ZNF674: variants seen among roughly 807,000 people sequenced by gnomAD.
ZNF674 encodes the protein zinc finger protein 674.
ZNF674 carries 2 observed loss-of-function variants against 7.0 expected under a neutral mutation model. That is an observed-to-expected ratio of 0.29 (90% CI 0.12 to 0.90). ZNF674 has a LOEUF of 0.90. ZNF674 is among the 40% of genes least tolerant of loss of function. The probability of loss-of-function intolerance (pLI) is 0.57; values close to 1 mark genes in which losing one functional copy is unlikely to be tolerated. For synonymous variants in ZNF674, 103 were observed against 145.2 expected (o/e 0.71, Z 2.09); for missense variants, 297 against 415.5 (o/e 0.71, Z 2.48).
At chrX:46,512,898 G>A (rs1444059024) in intron 5 of ZNF674, among the ~76,000 whole-genome samples, 1 of 111,603 alleles carries the variant, frequency 9.0e-6, no homozygotes, top group Non-Finnish European at 1.9e-5. Context: ...ACACAAAATT[G>A]AAATCTAGAA....
intron 3 of ZNF674, among the ~76,000 whole-genome samples, chrX:46,540,067 AC>A (rs1170912251): frequency 9.0e-6 from 1 of 110,535 alleles, no homozygotes; most frequent in African/African-American, 3.3e-5. Flanking sequence ...ACATGGTGAA[AC>A]CCCGTCTCTA....
intron 3 of ZNF674, among the ~76,000 whole-genome samples, chrX:46,533,033 TAGG>T (rs74894215): frequency 0.15 from 16,973 of 110,865 alleles, 1,127 homozygotes; most frequent in East Asian, 0.41. Flanking sequence ...GCCACAAGGT[TAGG>T]AGGATATGAG....
At chrX:46,525,529 C>T (rs886457706) in intron 5 of ZNF674, 4 of 112,695 alleles carry the variant, frequency 3.5e-5, no homozygotes, top group Non-Finnish European at 5.4e-5. Flanking sequence ...GCAGAAGAAT[C>T]GCTTGAACCC....
chrX:46,528,260 G>A, intron 5 of ZNF674, 90 bp downstream of exon 5: 1 of 918,100 alleles, frequency 1.1e-6, no homozygotes, highest in Non-Finnish European at 1.6e-6. Flanking sequence ...GAGGCTCTGA[G>A]AAGAGCTCCT....
At chrX:46,525,446 T>TA in intron 5 of ZNF674, 2 of 53,322 alleles carry the variant, frequency 3.8e-5, no homozygotes, top group South Asian at 6.9e-4. Flanking sequence ...CTACTAAAAA[T>TA]ACAAAAAAAA....
At chrX:46,541,556 TA>T (rs895848909) in intron 3 of ZNF674, among the ~76,000 whole-genome samples, 9 of 110,577 alleles carry the variant, frequency 8.1e-5, no homozygotes, top group East Asian at 5.6e-4. Flanking sequence ...TGTAAAAGCA[TA>T]AAAAAAATAT....
chrX:46,529,820 T>G (rs774838622), intron 3 of ZNF674, among the ~76,000 whole-genome samples: 83 of 111,578 alleles, frequency 7.4e-4, no homozygotes, highest in African/African-American at 2.2e-3. Context: ...GGGTCCGGGT[T>G]GTCCACAAAG....
In ZNF674 at chrX:46,506,419, A is replaced by G. The variant is rs867991647; in HGVS notation, c.239-5084T>C. ...TAGCATCTTGGCTTTGCATGGGAAA[A>G]AAAAAAAAAAAACTATCCCTGTGGG... On this transcript the variant is annotated intron_variant, in intron 5 of 5. Coordinates refer to ENST00000683375, the MANE Select transcript of ZNF674 (RefSeq NM_001190417.2). Among the ~76,000 whole-genome samples the G allele has an allele frequency of 2.4e-3, 268 of 110,188 alleles. 4 individuals carry two copies. The highest frequency in any genetic ancestry group is 8.5e-3 in the African/African-American group (257 of 30,247).
intron 5 of ZNF674, among the ~76,000 whole-genome samples, chrX:46,510,802 AAAAAC>A (rs1941641023): frequency 9.0e-6 from 1 of 111,582 alleles, no homozygotes; most frequent in Non-Finnish European, 1.9e-5. Flanking sequence ...AAACAAAAAC[AAAAAC>A]AAAACAAAAC....
At chrX:46,505,656 A>G (rs1338911814) in intron 5 of ZNF674, among the ~76,000 whole-genome samples, 2 of 110,741 alleles carry the variant, frequency 1.8e-5, no homozygotes, top group East Asian at 5.6e-4. Context: ...CTATAATCCG[A>G]GCTACTTAGG....
Position 46,542,141 on chromosome X carries a change from T to G in ZNF674, c.-29-25A>C, listed in dbSNP as rs1942305415. The G allele has an allele frequency of 1.4e-5, 14 of 969,704 alleles. No individual in the cohort carries two copies. In the South Asian group the frequency reaches 2.8e-4, roughly 19 times the overall value. 79.9% of individuals were successfully genotyped at this position (969,704 alleles called of 1,213,427 possible). On this transcript the variant is annotated intron_variant, in intron 2 of 5. Transcript: ENST00000683375. ...TCTACAAATACAGAATTAGAAGGGT[T>G]GAGTTCAGTGGGTATAGACATAAGA...
At chrX:46,543,572 C>T (rs1195013691) in intron 2 of ZNF674, among the ~76,000 whole-genome samples, 1 of 110,927 alleles carries the variant, frequency 9.0e-6, no homozygotes, top group African/African-American at 3.3e-5. Context: ...AACCACTGTG[C>T]CTGCTTCCCT....
chrX:46,509,475 G>A (rs1399242518), intron 5 of ZNF674, among the ~76,000 whole-genome samples: 6 of 102,179 alleles, frequency 5.9e-5, no homozygotes, highest in Admixed American at 1.1e-4. Flanking sequence ...AAAAGTGGGC[G>A]AAGGACATGA....
At chrX:46,542,542 C>G (rs781197655) in intron 2 of ZNF674, among the ~76,000 whole-genome samples, 1 of 110,879 alleles carries the variant, frequency 9.0e-6, no homozygotes, top group East Asian at 2.8e-4. Context: ...GGCCTTGTCT[C>G]TACAAAACCG....
intron 5 of ZNF674, among the ~76,000 whole-genome samples, chrX:46,513,788 G>A (rs1358605289): frequency 5.4e-5 from 6 of 111,553 alleles, no homozygotes; most frequent in Admixed American, 1.9e-4. Flanking sequence ...AGTGTTGGCC[G>A]GGTGTGGTGG....
chrX:46,540,375 A>C (rs1369892968), intron 3 of ZNF674, among the ~76,000 whole-genome samples: 1 of 112,545 alleles, frequency 8.9e-6, no homozygotes, highest in Non-Finnish European at 1.9e-5. Context: ...CAAAACTTTC[A>C]TTTGAATTTT....
intron 5 of ZNF674, 86 bp from the exon 6 acceptor site, chrX:46,501,421 C>T: frequency 1.1e-6 from 1 of 933,901 alleles, no homozygotes. Flanking sequence ...AAGCAGTGAA[C>T]TCCTATCAAC....
At chrX:46,533,699 G>T (rs1942148244) in intron 3 of ZNF674, among the ~76,000 whole-genome samples, 1 of 104,550 alleles carries the variant, frequency 9.6e-6, no homozygotes, top group Non-Finnish European at 2.0e-5. Context: ...AGCTACTCAG[G>T]AGGCTGAGGC....
intron 2 of ZNF674, among the ~76,000 whole-genome samples, chrX:46,542,794 C>A (rs760018004): frequency 9.0e-6 from 1 of 111,563 alleles, no homozygotes; most frequent in East Asian, 2.8e-4. Context: ...ATGACACGTG[C>A]AAAACAAGCA....
Sources: gnomAD v4.1 joint callset for allele counts (sites outside exome capture counted in the v4.1 genomes callset) on GRCh38, gnomAD v4.1.1 for gene constraint, MANE v1.5 for transcripts, NCBI Gene and HGNC (gene_info 2026-07-23, HGNC 2026-07-21) for gene names.